Variants in MAGI2 observed in about 807,000 individuals in gnomAD.
The protein encoded by MAGI2 is membrane associated guanylate kinase, WW and PDZ domain containing 2.
A neutral mutation model predicts 133.3 loss-of-function variants in MAGI2; 35 were observed. The ratio of observed to expected loss-of-function variants is 0.26; its 90% CI spans 0.20 to 0.35. The LOEUF is 0.35. Among genes scored for constraint, MAGI2 ranks in the 10% least tolerant of loss-of-function variants. The probability of loss-of-function intolerance (pLI) is 1.00; values close to 1 mark genes in which losing one functional copy is unlikely to be tolerated. For synonymous variants in MAGI2, 729 were observed against 710.6 expected (o/e 1.03, Z -0.41); for missense variants, 1,636 against 1,863.4 (o/e 0.88, Z 2.25).
At chr7:78,526,304 G>A (rs1439799813) in intron 3 of MAGI2, among the ~76,000 whole-genome samples, 2 of 152,198 alleles carry the variant, frequency 1.3e-5, no homozygotes, top group African/African-American at 4.8e-5. Flanking sequence ...AAAGCATACA[G>A]CAAGGACATT....
At chr7:78,723,518 G>A (rs994652088) in intron 2 of MAGI2, among the ~76,000 whole-genome samples, 27 of 152,178 alleles carry the variant, frequency 1.8e-4, no homozygotes, top group African/African-American at 6.0e-4. Context: ...GAAGGATGCA[G>A]TATTTGAGGT....
rs148922067 is a variant in MAGI2 at position 79,370,251 on chromosome 7, C to G, written c.301+82769G>C. On this transcript the variant is annotated intron_variant, in intron 1 of 21. Coordinates refer to ENST00000354212, the MANE Select transcript of MAGI2 (RefSeq NM_012301.4). ...AGATGGTTATTAAATATTTTTACCA[C>G]TAGCATTTTCTCATGCTTTCATGCC... Among the ~76,000 whole-genome samples, 358 of 152,204 alleles carry G rather than the reference C, an allele frequency of 2.4e-3. 2 individuals are homozygous for G. The highest frequency in any genetic ancestry group is 8.1e-3 in the African/African-American group (336 of 41,550).
intron 3 of MAGI2, among the ~76,000 whole-genome samples, chr7:78,532,405 C>T (rs905643741): frequency 3.3e-5 from 5 of 152,166 alleles, no homozygotes; most frequent in Non-Finnish European, 5.9e-5. Flanking sequence ...ACAGTCCCTT[C>T]TGGGAAAGTG....
At chr7:78,525,423 GA>G (rs5885072) in intron 3 of MAGI2, among the ~76,000 whole-genome samples, 97,409 of 151,854 alleles carry the variant, frequency 0.64, 32,356 homozygotes, top group African/African-American at 0.83. Context: ...CTGACTCCCT[GA>G]ATATAAGTGT....
chr7:79,055,525 CAA>C (rs1315746437), intron 1 of MAGI2, among the ~76,000 whole-genome samples: 2 of 151,222 alleles, frequency 1.3e-5, no homozygotes, highest in Non-Finnish European at 2.9e-5. Flanking sequence ...AGGAAAGTGA[CAA>C]GAGCAGCCAA....
At chr7:78,177,715 C>G (rs1826792524) in intron 14 of MAGI2, among the ~76,000 whole-genome samples, 1 of 152,014 alleles carries the variant, frequency 6.6e-6, no homozygotes, top group African/African-American at 2.4e-5. Flanking sequence ...CCCAAAGATA[C>G]CAGGGGTTCA....
intron 2 of MAGI2, among the ~76,000 whole-genome samples, chr7:78,766,193 C>G (rs1022613697): frequency 2.6e-5 from 4 of 152,160 alleles, no homozygotes; most frequent in African/African-American, 9.7e-5. Context: ...GTGGAAAGTG[C>G]TTGGCAAGAT....
At chr7:79,412,774 A>G (rs935244757) in intron 1 of MAGI2, 1 of 152,132 alleles carries the variant, frequency 6.6e-6, no homozygotes. Context: ...GTATGTTGAA[A>G]ACAATGGGTT....
chr7:79,056,228 C>CA (rs57138651), intron 1 of MAGI2, among the ~76,000 whole-genome samples: 12,952 of 149,292 alleles, frequency 0.087, 711 homozygotes, highest in African/African-American at 0.16. Flanking sequence ...CAAAAAACAA[C>CA]AAAAAAAAAA....
chr7:78,521,017 G>T (rs1323781368), intron 4 of MAGI2, among the ~76,000 whole-genome samples: 1 of 152,086 alleles, frequency 6.6e-6, no homozygotes, highest in Non-Finnish European at 1.5e-5. Flanking sequence ...AGCATAGCAA[G>T]ATTTCGAAGA....
In MAGI2 at chr7:78,592,167, T is replaced by A. The variant is rs1196493538; in HGVS notation, c.538+34953A>T. ...CAAAGAAATCTTTTAAATATAGCAC[T>A]TTCCGGTGCTAAAAGCACATCTTCA... On this transcript the variant is annotated intron_variant, in intron 3 of 21. Coordinates refer to ENST00000354212, the MANE Select transcript of MAGI2 (RefSeq NM_012301.4). Among the ~76,000 whole-genome samples, 7 of 152,330 alleles carry A rather than the reference T, an allele frequency of 4.6e-5. No individual in the cohort carries two copies. In the East Asian group the frequency reaches 1.4e-3, roughly 29 times the overall value.
intron 1 of MAGI2, among the ~76,000 whole-genome samples, chr7:79,340,159 T>C (rs1216489913): frequency 2.6e-5 from 4 of 152,150 alleles, no homozygotes; most frequent in African/African-American, 9.7e-5. Context: ...TAATTATGAA[T>C]ATATAGCTTC....
intron 2 of MAGI2, among the ~76,000 whole-genome samples, chr7:78,754,690 T>C (rs964371160): frequency 6.6e-6 from 1 of 152,182 alleles, no homozygotes; most frequent in Non-Finnish European, 1.5e-5. Flanking sequence ...ATAAAAAGCA[T>C]CTCTTTTGTG....
intron 3 of MAGI2, among the ~76,000 whole-genome samples, chr7:78,621,944 T>C (rs1297233924): frequency 1.3e-5 from 2 of 152,056 alleles, no homozygotes; most frequent in African/African-American, 4.8e-5. Context: ...GTGTTTCCTG[T>C]TCTAAAACCC....
intron 1 of MAGI2, among the ~76,000 whole-genome samples, chr7:79,393,306 G>A (rs1014901571): frequency 2.6e-4 from 39 of 152,040 alleles, no homozygotes; most frequent in African/African-American, 9.4e-4. Flanking sequence ...TACTAAATAT[G>A]CACCCAAAAT....
chr7:79,337,381 C>G (rs1019256636), intron 1 of MAGI2, among the ~76,000 whole-genome samples: 2 of 152,128 alleles, frequency 1.3e-5, no homozygotes, highest in African/African-American at 4.8e-5. Context: ...ATTGGCCCTG[C>G]CAGGCACAGA....
At chr7:78,579,749 T>G (rs1325445040) in intron 3 of MAGI2, among the ~76,000 whole-genome samples, 1 of 152,194 alleles carries the variant, frequency 6.6e-6, no homozygotes, top group East Asian at 1.9e-4. Flanking sequence ...CTGTCTCCCA[T>G]GTATATATAA....
chr7:79,167,307 G>A (rs954501518), intron 1 of MAGI2, among the ~76,000 whole-genome samples: 10 of 144,512 alleles, frequency 6.9e-5, no homozygotes, highest in African/African-American at 2.6e-4. Context: ...TGATTCTTCT[G>A]CCTCTCTACT....
chr7:79,211,796 G>A (rs1829520035), intron 1 of MAGI2, among the ~76,000 whole-genome samples: 1 of 152,012 alleles, frequency 6.6e-6, no homozygotes, highest in South Asian at 2.1e-4. Flanking sequence ...GGTGGCGAGG[G>A]CTATTATCAA....
Sources: allele counts gnomAD v4.1 joint callset (sites outside exome capture counted in the v4.1 genomes callset), GRCh38; gene constraint gnomAD v4.1.1; transcripts MANE v1.5; gene names NCBI Gene and HGNC (gene_info 2026-07-23, HGNC 2026-07-21).